ACAD9: variants seen among roughly 807,000 people sequenced by gnomAD.
ACAD9 encodes acyl-CoA dehydrogenase family member 9.
ACAD9 carries 53 observed loss-of-function variants against 70.2 expected under a neutral mutation model. The observed-to-expected ratio is 0.75, with a 90% CI of 0.61 to 0.95. ACAD9 has a LOEUF of 0.95. Ranked by LOEUF, ACAD9 falls within the 40% of genes least tolerant of loss-of-function variation. The probability of loss-of-function intolerance (pLI) is 0.00; values close to 1 mark genes in which losing one functional copy is unlikely to be tolerated. For synonymous variants in ACAD9, 313 were observed against 312.1 expected (o/e 1.00, Z -0.03); for missense variants, 777 against 802.8 (o/e 0.97, Z 0.39).
At chr3:128,883,472 C>T (rs1401586393) in intron 1 of ACAD9, among the ~76,000 whole-genome samples, 1 of 152,098 alleles carries the variant, frequency 6.6e-6, no homozygotes, top group Non-Finnish European at 1.5e-5. Context: ...ATTCTCCTGC[C>T]TCAGCCTCCT....
chr3:128,900,311 C>T (rs1439429927), intron 7 of ACAD9, among the ~76,000 whole-genome samples: 1 of 152,188 alleles, frequency 6.6e-6, no homozygotes, highest in Non-Finnish European at 1.5e-5. Context: ...TATCTTGGCT[C>T]ACTGCAAGCT....
Position 128,912,995 on chromosome 3 carries a change from A to G in ACAD9, c.*388A>G. On this transcript the variant is annotated 3_prime_UTR_variant, in exon 18 of 18. Coordinates refer to ENST00000308982, the MANE Select transcript of ACAD9 (RefSeq NM_014049.5). Reference sequence around the variant, plus strand: ...ATTTCTGCTCAACCACACATTCTCTAAGAAACAGCTTGAAAGCTCTGTCTG... The same window carrying G: ...ATTTCTGCTCAACCACACATTCTCTGAGAAACAGCTTGAAAGCTCTGTCTG... 2.2e-6 allele frequency: 1 copy of G among 464,190 alleles called. No individual in the cohort carries two copies. The highest frequency in any genetic ancestry group is 4.3e-6 in the Non-Finnish European group (1 of 233,436). 28.8% of individuals were successfully genotyped at this position (464,190 alleles called of 1,614,324 possible).
At chr3:128,903,281 G>T (rs1407337599) in intron 9 of ACAD9, among the ~76,000 whole-genome samples, 1 of 152,188 alleles carries the variant, frequency 6.6e-6, no homozygotes, top group Non-Finnish European at 1.5e-5. Context: ...GGCCTGTTTT[G>T]GCTTCCCTCC....
At chr3:128,896,303 C>T (rs893124020) in intron 4 of ACAD9, 133 bp from the exon 5 acceptor site, 4 of 990,418 alleles carry the variant, frequency 4.0e-6, no homozygotes, top group Non-Finnish European at 6.3e-6. Flanking sequence ...CTGCCTGTGG[C>T]CGCTTGCTCT....
chr3:128,901,030 T>C (rs1429213701), intron 7 of ACAD9, among the ~76,000 whole-genome samples: 2 of 152,322 alleles, frequency 1.3e-5, no homozygotes, highest in Non-Finnish European at 2.9e-5. Context: ...TCCATTTCTC[T>C]TTATCGTGAT....
intron 17 of ACAD9, among the ~76,000 whole-genome samples, chr3:128,911,302 C>T (rs933616731): frequency 3.3e-5 from 5 of 152,090 alleles, no homozygotes; most frequent in Non-Finnish European, 5.9e-5. Flanking sequence ...AGGTGATCTG[C>T]CTGCCTCAGC....
Position 128,884,567 on chromosome 3 carries a change from AT to A in ACAD9, c.151-85del. 4.1e-6 allele frequency: 4 copies of A among 982,930 alleles called. No individual in the cohort carries two copies. The Admixed American group carries it at 7.8e-5, about 19-fold the overall frequency. 60.9% of individuals were successfully genotyped at this position (982,930 alleles called of 1,614,324 possible). A position where few individuals can be genotyped will look rare whatever the true frequency, so the allele number is the denominator to read the frequency against. On this transcript the variant is annotated intron_variant, in intron 1 of 17. Transcript: ENST00000308982. ...CGCTGGCCAGGGTGGAGTGGAGCAC[AT>A]GTTTTTCCTTCCCTTTTAACTGATA...
chr3:128,881,726 C>CT, intron 1 of ACAD9, among the ~76,000 whole-genome samples: 1 of 152,296 alleles, frequency 6.6e-6, no homozygotes, highest in Non-Finnish European at 1.5e-5. Context: ...TGTTGACGCA[C>CT]TTTCGTCTCT....
At chr3:128,908,554 A>G (rs1935981282) in intron 13 of ACAD9, 3 of 572,974 alleles carry the variant, frequency 5.2e-6, no homozygotes, top group African/African-American at 3.8e-5. Flanking sequence ...CTGAAGAATG[A>G]GAGGTGTCCC....
chr3:128,886,349 C>T (rs184907543), intron 2 of ACAD9, among the ~76,000 whole-genome samples: 56 of 152,012 alleles, frequency 3.7e-4, no homozygotes, highest in African/African-American at 1.3e-3. Flanking sequence ...GATCTGCCTT[C>T]CTCAGCCTCC....
intron 6 of ACAD9, 143 bp downstream of exon 6, chr3:128,897,853 T>A: frequency 2.4e-6 from 2 of 823,864 alleles, no homozygotes; most frequent in Non-Finnish European, 4.0e-6. Context: ...TGTTTGTTTT[T>A]AATTTTTTTT....
At chr3:128,907,111 A>G (rs774225508) in intron 12 of ACAD9, among the ~76,000 whole-genome samples, 10 of 152,130 alleles carry the variant, frequency 6.6e-5, no homozygotes, top group Non-Finnish European at 1.2e-4. Context: ...ATGGGTATAC[A>G]GGAGGCAGGC....
intron 17 of ACAD9, among the ~76,000 whole-genome samples, chr3:128,911,902 G>T (rs1260241907): frequency 6.6e-6 from 1 of 152,234 alleles, no homozygotes; most frequent in African/African-American, 2.4e-5. Context: ...TTGGCCTAGA[G>T]AACAGAGGGC....
At position 128,912,597 on chromosome 3, in the gene ACAD9, G is replaced by A. The variant is rs1936461234; in HGVS notation, c.1856G>A (p.Arg619Lys). ...RAYICAHPLD[R>K]TC ...TATATCTGTGCCCACCCTCTGGACA[G>A]GACATGCTGAGGCAGGGGACAGTGT... is the stretch of plus-strand genomic sequence containing the variant. The change falls in exon 18 of 18, where the codon AGG (arginine) becomes AAG (lysine). Residue 619 changes from arginine to lysine, a missense_variant. Physicochemically the swap from Arg to Lys is conservative, Grantham distance 26. Coordinates refer to ENST00000308982, the MANE Select transcript of ACAD9 (RefSeq NM_014049.5). 6.2e-7 allele frequency: 1 copy of A among 1,614,072 alleles called. No individual in the cohort carries two copies. The highest frequency in any genetic ancestry group is 8.5e-7 in the Non-Finnish European group (1 of 1,179,928).
At position 128,913,079 on chromosome 3, in the gene ACAD9, C is replaced by G; in HGVS notation, c.*472C>G. ...AAAACATGTACCAGGAACCATTTAA[C>G]AAAGAATATAAAATGTCACAATCTG... On this transcript the variant is annotated 3_prime_UTR_variant, in exon 18 of 18. Transcript: ENST00000308982. 4.4e-6 allele frequency: 2 copies of G among 453,800 alleles called. No homozygotes were observed. The highest frequency in any genetic ancestry group is 8.8e-6 in the Non-Finnish European group (2 of 226,084). 28.1% of individuals were successfully genotyped at this position (453,800 alleles called of 1,614,324 possible).
In ACAD9 at chr3:128,895,427, TG is replaced by T; in HGVS notation, c.453+15del. ...GCTATTGGCCTCAAGGTCAGGTATCTGGGGATTCTGTGTGGTGCTCTCTGTA... is the reference window on the plus strand; with the variant it reads ...GCTATTGGCCTCAAGGTCAGGTATCTGGGATTCTGTGTGGTGCTCTCTGTA... On this transcript the variant is annotated intron_variant, in intron 4 of 17. Transcript: ENST00000308982. 1 of 1,592,576 alleles carries T rather than the reference TG, an allele frequency of 6.3e-7. No individual in the cohort carries two copies. The highest frequency in any genetic ancestry group is 8.6e-7 in the Non-Finnish European group (1 of 1,168,698).
intron 3 of ACAD9, among the ~76,000 whole-genome samples, 171 bp from the exon 4 acceptor site, chr3:128,895,139 A>T (rs1376305167): frequency 6.6e-6 from 1 of 150,560 alleles, no homozygotes; most frequent in Non-Finnish European, 1.5e-5. Context: ...AGCCTCCCAA[A>T]GTACTGGGAT....
In ACAD9 at chr3:128,913,011, G is replaced by A. The variant is rs1553736435; in HGVS notation, c.*404G>A. On this transcript the variant is annotated 3_prime_UTR_variant, in exon 18 of 18. Transcript: ENST00000308982. The stretch of plus-strand genomic sequence containing the variant: ...ACATTCTCTAAGAAACAGCTTGAAA[G>A]CTCTGTCTGGGTCATTCATTTAAAC... 2.2e-6 allele frequency: 1 copy of A among 459,954 alleles called. No individual in the cohort carries two copies. The highest frequency in any genetic ancestry group is 1.5e-5 in the South Asian group (1 of 64,562). 28.5% of individuals were successfully genotyped at this position (459,954 alleles called of 1,614,324 possible).
chr3:128,908,775 C>T (rs1415460579), intron 13 of ACAD9, among the ~76,000 whole-genome samples, 198 bp from the exon 14 acceptor site: 2 of 152,180 alleles, frequency 1.3e-5, no homozygotes, highest in Admixed American at 1.3e-4. Flanking sequence ...CATGGGGGAG[C>T]ATATGTGTGG....
Sources: allele counts gnomAD v4.1 joint callset (sites outside exome capture counted in the v4.1 genomes callset), GRCh38; gene constraint gnomAD v4.1.1; transcripts MANE v1.5; gene names NCBI Gene and HGNC (gene_info 2026-07-23, HGNC 2026-07-21).